NAALADL2: variants seen among roughly 807,000 people sequenced by gnomAD.
NAALADL2 encodes the protein inactive N-acetylated-alpha-linked acidic dipeptidase-like protein 2.
A neutral mutation model predicts 87.2 loss-of-function variants in NAALADL2; 76 were observed. The ratio of observed to expected loss-of-function variants is 0.87; its 90% CI spans 0.72 to 1.05. NAALADL2 has a LOEUF of 1.05. Ranked by LOEUF, NAALADL2 falls within the 50% of genes least tolerant of loss-of-function variation. The probability of loss-of-function intolerance (pLI) is 0.00; values close to 1 mark genes in which losing one functional copy is unlikely to be tolerated. For synonymous variants in NAALADL2, 354 were observed against 331.0 expected (o/e 1.07, Z -0.75); for missense variants, 1,089 against 945.8 (o/e 1.15, Z -1.99).
intron 1 of NAALADL2, among the ~76,000 whole-genome samples, chr3:174,866,036 A>T (rs952582346): frequency 6.6e-6 from 1 of 151,930 alleles, no homozygotes; most frequent in African/African-American, 2.4e-5. Context: ...GCAGGTGACA[A>T]ATTTGCTTTC....
chr3:175,013,647 A>C (rs1421748737), intron 1 of NAALADL2, among the ~76,000 whole-genome samples: 2 of 152,012 alleles, frequency 1.3e-5, no homozygotes, highest in Non-Finnish European at 2.9e-5. Context: ...TTCTTATGAT[A>C]GCTCTCTTGA....
intron 2 of NAALADL2, among the ~76,000 whole-genome samples, chr3:174,730,461 C>G (rs569325425): frequency 1.3e-5 from 2 of 152,044 alleles, no homozygotes; most frequent in African/African-American, 4.8e-5. Context: ...GAACACTTTT[C>G]CTATATTCTA....
At chr3:175,799,361 C>A (rs967956630) in intron 13 of NAALADL2, among the ~76,000 whole-genome samples, 2 of 151,880 alleles carry the variant, frequency 1.3e-5, no homozygotes, top group Non-Finnish European at 2.9e-5. Flanking sequence ...TATTTTTAAT[C>A]CATTTTTATC....
chr3:174,811,959 C>T (rs775701468), intron 3 of NAALADL2, among the ~76,000 whole-genome samples: 10 of 151,980 alleles, frequency 6.6e-5, no homozygotes, highest in Non-Finnish European at 1.3e-4. Flanking sequence ...GTTTGTGGCA[C>T]CTCCCCCTCT....
chr3:175,389,610 A>C (rs1768836677), intron 5 of NAALADL2, among the ~76,000 whole-genome samples: 2 of 152,232 alleles, frequency 1.3e-5, no homozygotes, highest in Admixed American at 1.3e-4. Context: ...GCATTTGCGT[A>C]AACAAGATAA....
At chr3:174,600,576 C>T (rs1718346092) in intron 2 of NAALADL2, among the ~76,000 whole-genome samples, 1 of 151,940 alleles carries the variant, frequency 6.6e-6, no homozygotes, top group African/African-American at 2.4e-5. Context: ...ACGGTAAGTG[C>T]ATTAGTCTGT....
intron 1 of NAALADL2, among the ~76,000 whole-genome samples, chr3:174,496,934 C>T (rs955301373): frequency 6.6e-6 from 1 of 152,100 alleles, no homozygotes; most frequent in Admixed American, 6.6e-5. Context: ...AATAACACAG[C>T]CAGCATCCTG....
rs541699846 is a variant in NAALADL2, at chr3:175,371,405, T to C, written c.1090+47080T>C. Among the ~76,000 whole-genome samples, 38 of 151,936 alleles carry C rather than the reference T, an allele frequency of 2.5e-4. No homozygotes were observed. The South Asian group carries it at 5.8e-3, about 23-fold the overall frequency. ...GCCTCAGCCTCCTGAGTAGCTGGGA[T>C]TACAGGCGCCCGCCACCGCGCCCGG... On this transcript the variant is annotated intron_variant, in intron 5 of 13. Transcript: ENST00000454872.
intron 1 of NAALADL2, among the ~76,000 whole-genome samples, chr3:174,882,516 T>C (rs116326471): frequency 6.7e-6 from 1 of 149,834 alleles, no homozygotes; most frequent in African/African-American, 2.5e-5. Flanking sequence ...TATATACATA[T>C]GTGCATATAC....
chr3:175,570,230 G>A (rs192133462), intron 9 of NAALADL2, among the ~76,000 whole-genome samples: 14 of 152,294 alleles, frequency 9.2e-5, no homozygotes, highest in African/African-American at 2.4e-4. Context: ...CTTGTGGGAA[G>A]GTCAGCCTTT....
At chr3:174,489,548 G>A (rs1718053697) in intron 1 of NAALADL2, among the ~76,000 whole-genome samples, 1 of 151,952 alleles carries the variant, frequency 6.6e-6, no homozygotes, top group South Asian at 2.1e-4. Context: ...AAATGTGGAG[G>A]TGACCCATAG....
intron 2 of NAALADL2, among the ~76,000 whole-genome samples, chr3:174,576,363 T>A (rs1399271126): frequency 2.0e-5 from 3 of 152,168 alleles, no homozygotes; most frequent in Admixed American, 6.5e-5. Context: ...AGATATACTT[T>A]TGGGTTAAAT....
At chr3:174,832,483 A>G (rs1722838999) in intron 3 of NAALADL2, among the ~76,000 whole-genome samples, 1 of 151,862 alleles carries the variant, frequency 6.6e-6, no homozygotes, top group Admixed American at 6.6e-5. Flanking sequence ...TTTTTTTGAG[A>G]TGGAGTCTGG....
At chr3:174,813,726 ACGATCATAGTG>A (rs139722725) in intron 3 of NAALADL2, among the ~76,000 whole-genome samples, 19,744 of 152,138 alleles carry the variant, frequency 0.13, 1,482 homozygotes, top group Middle Eastern at 0.16. Flanking sequence ...ATTTACAAGC[ACGATCATAGTG>A]CACTACAACC....
At chr3:174,936,130 A>G (rs555650820) in intron 1 of NAALADL2, among the ~76,000 whole-genome samples, 1 of 152,204 alleles carries the variant, frequency 6.6e-6, no homozygotes, top group African/African-American at 2.4e-5. Flanking sequence ...CATTAAACCT[A>G]AGGGTGAGTG....
intron 11 of NAALADL2, among the ~76,000 whole-genome samples, chr3:175,640,762 A>G (rs964326419): frequency 1.3e-5 from 2 of 152,216 alleles, no homozygotes; most frequent in Non-Finnish European, 2.9e-5. Flanking sequence ...TGTTCTAATT[A>G]ATGATAATGC....
intron 5 of NAALADL2, among the ~76,000 whole-genome samples, chr3:175,364,498 C>T (rs1271860840): frequency 6.8e-6 from 1 of 147,522 alleles, no homozygotes; most frequent in Non-Finnish European, 1.5e-5. Context: ...TACCAGTTAT[C>T]CGCTGTTTTT....
intron 3 of NAALADL2, among the ~76,000 whole-genome samples, chr3:174,795,914 A>T (rs1578963547): frequency 6.6e-6 from 1 of 152,296 alleles, no homozygotes; most frequent in Non-Finnish European, 1.5e-5. Flanking sequence ...ATTTCTATTT[A>T]TATCTGCATA....
At chr3:175,093,185 G>A (rs2108337368) in intron 1 of NAALADL2, among the ~76,000 whole-genome samples, 1 of 151,680 alleles carries the variant, frequency 6.6e-6, no homozygotes, top group South Asian at 2.1e-4. Context: ...AAGACATGCT[G>A]ATTTTGCTGA....
Sources: allele counts gnomAD v4.1 joint callset (sites outside exome capture counted in the v4.1 genomes callset), GRCh38; gene constraint gnomAD v4.1.1; transcripts MANE v1.5; gene names NCBI Gene and HGNC (gene_info 2026-07-23, HGNC 2026-07-21).